Variants in MAP2K6 observed in about 807,000 individuals in gnomAD.
MAP2K6 encodes mitogen-activated protein kinase kinase 6.
MAP2K6 carries 16 observed loss-of-function variants against 53.7 expected under a neutral mutation model. That is an observed-to-expected ratio of 0.30 (90% confidence interval 0.20 to 0.45). The LOEUF is 0.45. Ranked by LOEUF, MAP2K6 falls within the 20% of genes least tolerant of loss-of-function variation. MAP2K6 has a pLI of 1.00. For synonymous variants in MAP2K6, 132 were observed against 143.1 expected, an observed-to-expected ratio of 0.92 and a Z score of 0.55; for missense variants, 204 against 411.9, an observed-to-expected ratio of 0.50 and a Z score of 4.37.
At chr17:69,522,066 G>GGTGATTGTA (rs1448666758) in intron 7 of MAP2K6, among the ~76,000 whole-genome samples, 3 of 152,110 alleles carry the variant, frequency 2.0e-5, no homozygotes, top group Non-Finnish European at 2.9e-5. Flanking sequence ...TAGTGATTGT[G>GGTGATTGTA]GTGATTGTAG....
At chr17:69,529,597 G>A (rs1041062116) in intron 10 of MAP2K6, among the ~76,000 whole-genome samples, 2 of 139,842 alleles carry the variant, frequency 1.4e-5, no homozygotes, top group African/African-American at 2.7e-5. Flanking sequence ...TGCAAGCTCC[G>A]CCTCCTGGGT....
chr17:69,502,544 T>C, intron 1 of MAP2K6: 1 of 985,480 alleles, frequency 1.0e-6, no homozygotes, highest in Non-Finnish European at 1.2e-6. Context: ...ATCTATTTTT[T>C]TTTCTTGTTG....
intron 1 of MAP2K6, among the ~76,000 whole-genome samples, chr17:69,472,535 C>T (rs2715813): frequency 0.5 from 76,010 of 151,782 alleles, 19,721 homozygotes; most frequent in East Asian, 0.84. Flanking sequence ...GATTAGTGGG[C>T]ATGTCTACAT....
intron 10 of MAP2K6, among the ~76,000 whole-genome samples, chr17:69,534,741 C>T (rs986887127): frequency 2.0e-5 from 3 of 152,066 alleles, no homozygotes; most frequent in African/African-American, 7.2e-5. Flanking sequence ...AGCTCAAATC[C>T]CAGCAACCTA....
intron 1 of MAP2K6, among the ~76,000 whole-genome samples, chr17:69,473,883 C>T (rs1327416497): frequency 1.3e-5 from 2 of 152,170 alleles, no homozygotes; most frequent in Admixed American, 6.5e-5. Flanking sequence ...GAGAGCCTCC[C>T]TCTACCCTGG....
intron 3 of MAP2K6, among the ~76,000 whole-genome samples, chr17:69,517,209 A>G (rs145549421): frequency 6.6e-6 from 1 of 151,762 alleles, no homozygotes; most frequent in African/African-American, 2.4e-5. Context: ...ATGAAGGGTC[A>G]TGGCTAAAGA....
chr17:69,522,922 A>G (rs1165264809), intron 7 of MAP2K6, among the ~76,000 whole-genome samples: 10 of 150,884 alleles, frequency 6.6e-5, no homozygotes, highest in South Asian at 2.1e-4. Context: ...TTAGCTGGGC[A>G]TGGTGGTTCC....
At chr17:69,500,632 T>A (rs1336877918) in intron 1 of MAP2K6, among the ~76,000 whole-genome samples, 5 of 151,504 alleles carry the variant, frequency 3.3e-5, no homozygotes, top group Non-Finnish European at 7.4e-5. Context: ...GGCGGGCACC[T>A]GTAATCCCAG....
At chr17:69,497,390 C>T (rs1908992257) in intron 1 of MAP2K6, among the ~76,000 whole-genome samples, 1 of 152,134 alleles carries the variant, frequency 6.6e-6, no homozygotes, top group African/African-American at 2.4e-5. Context: ...TAACAACATT[C>T]TGAGGAAAAT....
chr17:69,492,645 G>A (rs1272645071), intron 1 of MAP2K6, among the ~76,000 whole-genome samples: 1 of 152,154 alleles, frequency 6.6e-6, no homozygotes, highest in African/African-American at 2.4e-5. Context: ...TTACATTGCA[G>A]CTGCATCACC....
At chr17:69,491,776 TTC>T (rs1908763558) in intron 1 of MAP2K6, among the ~76,000 whole-genome samples, 2 of 150,978 alleles carry the variant, frequency 1.3e-5, no homozygotes, top group Admixed American at 6.6e-5. Context: ...ATAATAGACT[TTC>T]AGACTGGTCT....
At chr17:69,498,650 CCACACACA>C (rs3222089) in intron 1 of MAP2K6, among the ~76,000 whole-genome samples, 49,047 of 145,394 alleles carry the variant, frequency 0.34, 8,152 homozygotes, top group East Asian at 0.48. Flanking sequence ...CACCTGGAAG[CCACACACA>C]CACACACACA....
chr17:69,523,831 T>G (rs1910620212), intron 8 of MAP2K6, among the ~76,000 whole-genome samples, 190 bp downstream of exon 8: 1 of 152,240 alleles, frequency 6.6e-6, no homozygotes, highest in Non-Finnish European at 1.5e-5. Flanking sequence ...ATTGTCTTAG[T>G]TTGTTCAGGC....
intron 10 of MAP2K6, among the ~76,000 whole-genome samples, chr17:69,531,771 T>G (rs1182267349): frequency 6.6e-6 from 1 of 152,194 alleles, no homozygotes; most frequent in African/African-American, 2.4e-5. Flanking sequence ...CTTCCTCTTT[T>G]TCCTATATAT....
intron 6 of MAP2K6, 149 bp downstream of exon 6, chr17:69,520,535 T>C (rs1381416491): frequency 3.2e-6 from 2 of 622,852 alleles, no homozygotes; most frequent in African/African-American, 1.8e-5. Flanking sequence ...GATAAATACA[T>C]GCTTTCCTTT....
At chr17:69,537,081 C>T (rs1354635934) in intron 11 of MAP2K6, among the ~76,000 whole-genome samples, 2 of 145,034 alleles carry the variant, frequency 1.4e-5, no homozygotes, top group African/African-American at 2.7e-5. Context: ...GACCCTGTCT[C>T]AAAGAAAAAC....
chr17:69,425,524 G>A (rs1470853435), intron 1 of MAP2K6, among the ~76,000 whole-genome samples: 2 of 152,052 alleles, frequency 1.3e-5, no homozygotes, highest in Non-Finnish European at 1.5e-5. Flanking sequence ...TGTTGGCCAG[G>A]CTGGTGTTGA....
At chr17:69,455,539 C>T (rs879211590) in intron 1 of MAP2K6, among the ~76,000 whole-genome samples, 5 of 152,094 alleles carry the variant, frequency 3.3e-5, no homozygotes, top group East Asian at 1.9e-4. Context: ...TCTTAGGTTT[C>T]GAACCTGGAG....
At chr17:69,427,815 T>C (rs1906321566) in intron 1 of MAP2K6, among the ~76,000 whole-genome samples, 1 of 152,244 alleles carries the variant, frequency 6.6e-6, no homozygotes, top group Non-Finnish European at 1.5e-5. Flanking sequence ...TGAATGAGCC[T>C]CTATTTTTGT....
Sources: gnomAD v4.1 joint callset for allele counts (sites outside exome capture counted in the v4.1 genomes callset) on GRCh38, gnomAD v4.1.1 for gene constraint, MANE v1.5 for transcripts, NCBI Gene and HGNC (gene_info 2026-07-23, HGNC 2026-07-21) for gene names.